The following GLRA2 variants were observed in gnomAD, a reference collection of about 807,000 sequenced individuals.
GLRA2 encodes the protein glycine receptor alpha 2, also known as glycine receptor subunit alpha-2.
In GLRA2, 11 loss-of-function variants were observed where a neutral mutation model predicts 31.6. That is an observed-to-expected ratio of 0.35 (90% CI 0.22 to 0.58). The LOEUF (loss-of-function observed/expected upper bound fraction) is 0.58, where lower values mean the gene tolerates loss of function less well. Ranked by LOEUF, GLRA2 falls within the 20% of genes least tolerant of loss-of-function variation. The pLI, the probability that GLRA2 is intolerant of heterozygous loss-of-function variation, is 0.84. For missense variants in GLRA2, 212 were observed against 351.8 expected, an observed-to-expected ratio of 0.60 and a Z score of 3.18; for synonymous variants, 132 against 134.0, an observed-to-expected ratio of 0.99 and a Z score of 0.10.
chrX:14,669,739 C>G (rs1014251276), intron 7 of GLRA2, among the ~76,000 whole-genome samples: 8 of 111,437 alleles, frequency 7.2e-5, no homozygotes, highest in Non-Finnish European at 1.5e-4. Flanking sequence ...CACAGGGACC[C>G]CAGGCCCAAC....
At chrX:14,493,594 TACATATATACACATATAC>T in the GLRA2 span, among the ~76,000 whole-genome samples, 4 of 102,164 alleles carry the variant, frequency 3.9e-5, no homozygotes, top group Non-Finnish European at 5.8e-5. Context: ...TACACATATA[TACATATATACACATATAC>T]ACATATATAC....
chrX:14,470,057 A>T, the GLRA2 span, among the ~76,000 whole-genome samples: 1 of 111,491 alleles, frequency 9.0e-6, no homozygotes, highest in African/African-American at 3.2e-5. Flanking sequence ...TTTTCCAAAA[A>T]TTGAAGTATT....
intron 4 of GLRA2, among the ~76,000 whole-genome samples, chrX:14,596,352 C>T (rs1237926333): frequency 9.0e-6 from 1 of 111,343 alleles, no homozygotes; most frequent in Non-Finnish European, 1.9e-5. Flanking sequence ...GCAGCTCTCC[C>T]AGTTTCCTAG....
intron 7 of GLRA2, among the ~76,000 whole-genome samples, chrX:14,647,580 C>G (rs1471944280): frequency 1.8e-5 from 2 of 111,677 alleles, no homozygotes; most frequent in Non-Finnish European, 3.8e-5. Context: ...TGCTACAAGT[C>G]AGGAGAATGG....
In GLRA2 at chrX:14,683,181, T is replaced by C. The variant is rs189555609; in HGVS notation, c.931-7529T>C. Among the ~76,000 whole-genome samples the C allele has an allele frequency of 3.0e-3, 339 of 111,927 alleles. 2 individuals carry two copies. Among genetic ancestry groups the C allele is most frequent in the African/African-American group, 0.011 (325 of 30,834 alleles). Reference sequence around the variant, plus strand: ...CAGTCTCACCAGCAGTGTAAAAGTGTTCCTATTTCTCCACATCCTCTCCAG... The same window carrying C: ...CAGTCTCACCAGCAGTGTAAAAGTGCTCCTATTTCTCCACATCCTCTCCAG... On this transcript the variant is annotated intron_variant, in intron 7 of 8. Transcript: ENST00000218075.
chrX:14,454,188 C>CCA, the GLRA2 span, among the ~76,000 whole-genome samples: 2 of 101,529 alleles, frequency 2.0e-5, no homozygotes, highest in Admixed American at 1.1e-4. Flanking sequence ...ACCCACACAC[C>CCA]CACACACACA....
chrX:14,490,033 A>G, the GLRA2 span, among the ~76,000 whole-genome samples: 218 of 110,925 alleles, frequency 2.0e-3, 3 homozygotes, highest in Non-Finnish European at 1.9e-3. Context: ...TTAGTTTCTC[A>G]CCCAAGCATT....
chrX:14,657,101 G>A (rs1312840963), intron 7 of GLRA2, among the ~76,000 whole-genome samples: 4 of 111,810 alleles, frequency 3.6e-5, no homozygotes, highest in Admixed American at 2.8e-4. Context: ...AAAGAGCAAG[G>A]GTGGTTGTAG....
intron 2 of GLRA2, among the ~76,000 whole-genome samples, chrX:14,546,706 G>T (rs2188925): frequency 0.2 from 21,830 of 109,618 alleles, 2,167 homozygotes; most frequent in Non-Finnish European, 0.31. Flanking sequence ...TTTAAGAGGT[G>T]CCAATGTATA....
intron 7 of GLRA2, among the ~76,000 whole-genome samples, chrX:14,659,991 G>A (rs956008224): frequency 8.9e-6 from 1 of 111,847 alleles, no homozygotes; most frequent in African/African-American, 3.3e-5. Context: ...TATGTGCCAA[G>A]TACCCTTGGG....
intron 7 of GLRA2, among the ~76,000 whole-genome samples, chrX:14,686,193 C>T (rs2091275530): frequency 9.0e-6 from 1 of 111,704 alleles, no homozygotes; most frequent in Non-Finnish European, 1.9e-5. Context: ...GTAATGATTT[C>T]TGTTCTTTTA....
At chrX:14,633,960 A>AT (rs1412439288) in intron 7 of GLRA2, among the ~76,000 whole-genome samples, 1 of 110,621 alleles carries the variant, frequency 9.0e-6, no homozygotes, top group Admixed American at 9.6e-5. Flanking sequence ...TATTTATTTA[A>AT]TTTTTTGAGA....
intron 7 of GLRA2, among the ~76,000 whole-genome samples, chrX:14,676,939 G>A (rs1398795994): frequency 9.0e-6 from 1 of 111,473 alleles, no homozygotes; most frequent in Non-Finnish European, 1.9e-5. Context: ...TATACAATGC[G>A]AAACAACTGA....
chrX:14,687,268 G>A (rs1415667340), intron 7 of GLRA2, among the ~76,000 whole-genome samples: 1 of 111,701 alleles, frequency 9.0e-6, no homozygotes, highest in South Asian at 3.7e-4. Flanking sequence ...TGGTGAATCT[G>A]ACAGTTACCT....
chrX:14,616,770 T>C (rs1270966754), intron 7 of GLRA2, among the ~76,000 whole-genome samples: 1 of 111,960 alleles, frequency 8.9e-6, no homozygotes, highest in Admixed American at 9.5e-5. Flanking sequence ...CTGAAAGAAG[T>C]TGGAAACAAT....
intron 7 of GLRA2, among the ~76,000 whole-genome samples, chrX:14,614,927 C>T (rs893421894): frequency 9.9e-5 from 11 of 111,666 alleles, no homozygotes; most frequent in African/African-American, 2.9e-4. Context: ...TTAATGTTTT[C>T]GAATGTCTGG....
chrX:14,458,651 T>G, the GLRA2 span, among the ~76,000 whole-genome samples: 5 of 112,692 alleles, frequency 4.4e-5, no homozygotes, highest in East Asian at 2.8e-4. Flanking sequence ...CATCTGTCTG[T>G]GGGCTGCATA....
At chrX:14,685,197 G>A (rs1194098544) in intron 7 of GLRA2, among the ~76,000 whole-genome samples, 1 of 111,552 alleles carries the variant, frequency 9.0e-6, no homozygotes, top group African/African-American at 3.3e-5. Context: ...GCTTTTTGAT[G>A]TGCTGCTGGA....
At chrX:14,508,511 G>GCAGCACTGGGCCAT in the GLRA2 span, among the ~76,000 whole-genome samples, 1 of 111,867 alleles carries the variant, frequency 8.9e-6, no homozygotes, top group Admixed American at 9.5e-5. Flanking sequence ...GCAGCACACA[G>GCAGCACTGGGCCAT]TCCTTATGGA....
Sources: allele counts gnomAD v4.1 joint callset (sites outside exome capture counted in the v4.1 genomes callset), GRCh38; gene constraint gnomAD v4.1.1; transcripts MANE v1.5; gene names NCBI Gene and HGNC (gene_info 2026-07-23, HGNC 2026-07-21).